Variants in CSPP1 observed in about 807,000 individuals in gnomAD.
CSPP1 encodes centrosome and spindle pole-associated protein 1.
CSPP1 carries 126 observed loss-of-function variants against 164.4 expected under a neutral mutation model. The ratio of observed to expected loss-of-function variants is 0.77; its 90% CI spans 0.66 to 0.89. The LOEUF is 0.89. CSPP1 is among the 40% of genes least tolerant of loss of function. The probability of loss-of-function intolerance (pLI) is 0.00; values close to 1 mark genes in which losing one functional copy is unlikely to be tolerated. For missense variants in CSPP1, 1,395 were observed against 1,449.8 expected (o/e 0.96, Z 0.61); for synonymous variants, 472 against 476.7 (o/e 0.99, Z 0.13).
Position 67,086,022 on chromosome 8 carries a change from TA to T in CSPP1, c.217del (p.Ser73ValfsTer15). On this transcript the variant is annotated frameshift_variant, in exon 4 of 31. Transcript: ENST00000678616. LOFTEE classifies it high-confidence loss of function. ...TTTTTTCTAGGAATTGATTATGGAT[TA>T]AGTTTACCACTTGGAGAAGACTATG... is the stretch of plus-strand genomic sequence containing the variant. ...TRGSLGIDYGLSLPLGEDYER... is the reference protein window; with the variant it reads ...TRGSLGIDYGXSLPLGEDYER... 7.0e-7 allele frequency: 1 copy of T among 1,429,510 alleles called. No homozygotes were observed. Among genetic ancestry groups the T allele is most frequent in the Non-Finnish European group, 9.9e-7 (1 of 1,012,294 alleles). The allele number at this position is 1,429,510 out of a possible 1,614,324, so 88.6% of individuals were successfully genotyped here.
At chr8:67,138,618 A>T (rs1248250187) in intron 17 of CSPP1, among the ~76,000 whole-genome samples, 1 of 152,046 alleles carries the variant, frequency 6.6e-6, no homozygotes, top group Non-Finnish European at 1.5e-5. Context: ...TAGATCAAAG[A>T]TACACACTTC....
intron 4 of CSPP1, among the ~76,000 whole-genome samples, chr8:67,090,880 A>G (rs186714083): frequency 4.6e-5 from 7 of 152,330 alleles, no homozygotes; most frequent in African/African-American, 1.7e-4. Context: ...CTTATAACCT[A>G]GTGATGTGTA....
intron 7 of CSPP1, among the ~76,000 whole-genome samples, chr8:67,100,046 A>G (rs544343291): frequency 6.6e-6 from 1 of 152,294 alleles, no homozygotes; most frequent in Non-Finnish European, 1.5e-5. Context: ...TTATCTTTTT[A>G]GTGAAATGCT....
At chr8:67,116,991 A>G (rs145183611) in intron 13 of CSPP1, among the ~76,000 whole-genome samples, 7 of 152,290 alleles carry the variant, frequency 4.6e-5, no homozygotes, top group African/African-American at 1.7e-4. Context: ...ATTGGAATTA[A>G]CAGAGCATTT....
intron 4 of CSPP1, among the ~76,000 whole-genome samples, chr8:67,090,270 T>G (rs1480033819): frequency 6.6e-6 from 1 of 152,122 alleles, no homozygotes; most frequent in African/African-American, 2.4e-5. Flanking sequence ...ATTTGTAAAT[T>G]CAGATTTAAT....
chr8:67,090,979 C>T (rs1811489257), intron 4 of CSPP1, among the ~76,000 whole-genome samples: 1 of 151,664 alleles, frequency 6.6e-6, no homozygotes, highest in African/African-American at 2.4e-5. Context: ...GTAACAGTAC[C>T]AGAAAGTTGG....
chr8:67,147,680 T>C (rs1824870479), intron 17 of CSPP1, among the ~76,000 whole-genome samples: 2 of 152,124 alleles, frequency 1.3e-5, no homozygotes, highest in Admixed American at 1.3e-4. Context: ...TCTAAGTCCT[T>C]TGTATCCTCC....
chr8:67,069,156 G>A (rs1305244327), intron 1 of CSPP1: 1 of 152,198 alleles, frequency 6.6e-6, no homozygotes, highest in Non-Finnish European at 1.5e-5. Context: ...TTAATGCAAT[G>A]AGTAGTACAT....
intron 12 of CSPP1, among the ~76,000 whole-genome samples, chr8:67,115,522 A>G (rs1308317198): frequency 2.0e-5 from 3 of 152,108 alleles, no homozygotes; most frequent in Non-Finnish European, 1.5e-5. Flanking sequence ...CTCTACAAAA[A>G]TTAGCTGTGC....
intron 3 of CSPP1, chr8:67,083,824 C>T (rs1332817301): frequency 6.6e-6 from 1 of 151,788 alleles, no homozygotes; most frequent in African/African-American, 2.4e-5. Context: ...TGATATGTAA[C>T]TTTGGTAACT....
chr8:67,093,312 C>A (rs972025388), intron 5 of CSPP1, among the ~76,000 whole-genome samples: 1 of 152,194 alleles, frequency 6.6e-6, no homozygotes, highest in African/African-American at 2.4e-5. Flanking sequence ...TGTAGTCATG[C>A]ATATTCTCAT....
rs1459400518 is a variant in CSPP1 at position 67,193,620 on chromosome 8, A to C, written c.3469+18A>C. On this transcript the variant is annotated intron_variant, in intron 30 of 30. Coordinates refer to ENST00000678616, the MANE Select transcript of CSPP1 (RefSeq NM_001382391.1). ...TAATACAGGTAAATGACCAAGTGTA[A>C]TGGCCTATAGTAGAATCCTGTATGA... 5.6e-6 allele frequency: 9 copies of C among 1,607,250 alleles called. No homozygotes were observed. Among genetic ancestry groups the C allele is most frequent in the Non-Finnish European group, 7.7e-6 (9 of 1,174,780 alleles).
In CSPP1 at chr8:67,149,928, A is replaced by G. The variant is rs1375950004; in HGVS notation, c.2121A>G (p.Lys707=). The G allele has an allele frequency of 1.9e-5, 29 of 1,559,624 alleles. No individual in the cohort carries two copies. The highest frequency in any genetic ancestry group is 2.4e-5 in the Non-Finnish European group (28 of 1,163,080). The part of the protein sequence containing the change: ...NAENLEDAAN[K]SSGHMQTQSS... ...AGAACCTAGAAGATGCTGCAAATAA[A>G]AGCTCAGGTTTTTAATCACTTTTTT... The change falls in exon 18 of 31, where the codon AAA becomes AAG. Residue 707 remains lysine (K), a synonymous_variant. Coordinates refer to ENST00000678616, the MANE Select transcript of CSPP1 (RefSeq NM_001382391.1).
Position 67,158,638 on chromosome 8 carries a change from A to G in CSPP1, c.2391+42A>G. ...TATTGTATTTTACTACTTAGTCTGA[A>G]GGTGAAATCTTTGACTTGAAAAGGT... On this transcript the variant is annotated intron_variant, in intron 20 of 30. Transcript: ENST00000678616. 3.3e-6 allele frequency: 5 copies of G among 1,522,648 alleles called. No homozygotes were observed. In the South Asian group the frequency reaches 6.4e-5, roughly 20 times the overall value. 94.3% of individuals were successfully genotyped at this position (1,522,648 alleles called of 1,614,324 possible).
At chr8:67,099,748 T>C (rs570488114) in intron 7 of CSPP1, among the ~76,000 whole-genome samples, 1 of 152,258 alleles carries the variant, frequency 6.6e-6, no homozygotes, top group East Asian at 1.9e-4. Flanking sequence ...TTCTGGGTGA[T>C]TAAATGCTAA....
rs138715330 is a variant in CSPP1, at chr8:67,135,156, T to A, written c.1828-2300T>A. Reference sequence around the variant, plus strand: ...TTCATCAGCATTTGCTGCCTCATGTTGTACTTTTTTATTTTTATTTTTATT... The same window carrying A: ...TTCATCAGCATTTGCTGCCTCATGTAGTACTTTTTTATTTTTATTTTTATT... On this transcript the variant is annotated intron_variant, in intron 16 of 30. Coordinates refer to ENST00000678616, the MANE Select transcript of CSPP1 (RefSeq NM_001382391.1). 5.6e-4 allele frequency: 85 copies of A among 152,280 alleles called. No individual in the cohort carries two copies. In the East Asian group the frequency reaches 0.016, roughly 28 times the overall value. 9.4% of individuals were successfully genotyped at this position (152,280 alleles called of 1,614,324 possible).
chr8:67,181,539 A>G (rs1833043181), intron 28 of CSPP1, among the ~76,000 whole-genome samples: 1 of 152,002 alleles, frequency 6.6e-6, no homozygotes, highest in African/African-American at 2.4e-5. Context: ...TAGAGCAAAG[A>G]TACAGCAGTA....
chr8:67,193,432 T>G (rs1298173327), intron 29 of CSPP1, 32 bp from the exon 30 acceptor site: 1 of 1,596,040 alleles, frequency 6.3e-7, no homozygotes, highest in Non-Finnish European at 8.6e-7. Flanking sequence ...TTTGTGTTAA[T>G]GACTTTCTGA....
At chr8:67,120,600 G>A (rs1402876076) in intron 15 of CSPP1, among the ~76,000 whole-genome samples, 1 of 151,958 alleles carries the variant, frequency 6.6e-6, no homozygotes, top group Non-Finnish European at 1.5e-5. Context: ...TAATTCTTAA[G>A]TATTTTATTC....
Sources: allele counts gnomAD v4.1 joint callset (sites outside exome capture counted in the v4.1 genomes callset), GRCh38; gene constraint gnomAD v4.1.1; transcripts MANE v1.5; gene names NCBI Gene and HGNC (gene_info 2026-07-23, HGNC 2026-07-21).